FHOD3: variants seen among roughly 807,000 people sequenced by gnomAD.
FHOD3 encodes formin homology 2 domain containing 3, also known as FH1/FH2 domain-containing protein 3.
In FHOD3, 90 loss-of-function variants were observed where a neutral mutation model predicts 173.0. The observed-to-expected ratio is 0.52, with a 90% CI of 0.44 to 0.62. FHOD3 has a LOEUF of 0.62. Ranked by LOEUF, FHOD3 falls within the 20% of genes least tolerant of loss-of-function variation. FHOD3 has a pLI of 0.00. For missense variants in FHOD3, 1,945 were observed against 2,034.7 expected (o/e 0.96, Z 0.85); for synonymous variants, 828 against 823.0 (o/e 1.01, Z -0.10).
chr18:36,552,141 C>T (rs960860083), intron 5 of FHOD3, among the ~76,000 whole-genome samples: 1 of 152,252 alleles, frequency 6.6e-6, no homozygotes, highest in East Asian at 1.9e-4. Context: ...ATGGAATGTT[C>T]TTCCATTTGT....
chr18:36,513,000 C>T (rs1300723591), intron 5 of FHOD3, among the ~76,000 whole-genome samples: 1 of 152,126 alleles, frequency 6.6e-6, no homozygotes, highest in Non-Finnish European at 1.5e-5. Context: ...CTTCCTGTTT[C>T]TGATTCGATA....
intron 5 of FHOD3, among the ~76,000 whole-genome samples, chr18:36,541,962 G>C (rs992485775): frequency 2.1e-4 from 32 of 152,182 alleles, no homozygotes; most frequent in African/African-American, 7.2e-4. Context: ...CCCAGGGAGA[G>C]GTAGATTTGT....
chr18:36,521,472 C>T (rs115115009), intron 5 of FHOD3, among the ~76,000 whole-genome samples: 1 of 152,292 alleles, frequency 6.6e-6, no homozygotes, highest in South Asian at 2.1e-4. Flanking sequence ...ACATTCAATT[C>T]AGCCACCCTA....
chr18:36,409,944 G>GCGTTGC (rs2049267983), intron 3 of FHOD3, among the ~76,000 whole-genome samples: 1 of 152,210 alleles, frequency 6.6e-6, no homozygotes, highest in African/African-American at 2.4e-5. Flanking sequence ...AGAAGACAGG[G>GCGTTGC]CGTTGCCCGG....
At chr18:36,386,573 G>A (rs1455777673) in intron 3 of FHOD3, among the ~76,000 whole-genome samples, 1 of 152,228 alleles carries the variant, frequency 6.6e-6, no homozygotes, top group East Asian at 1.9e-4. Context: ...GCTTGTCTTG[G>A]AAGACAGTGG....
chr18:36,437,725 A>G (rs1051420572), intron 3 of FHOD3, among the ~76,000 whole-genome samples: 10 of 143,634 alleles, frequency 7.0e-5, no homozygotes, highest in Non-Finnish European at 1.3e-4. Context: ...GTGCAGTGGC[A>G]CGATGTCGGC....
At chr18:36,318,785 A>G (rs1304808595) in intron 1 of FHOD3, among the ~76,000 whole-genome samples, 2 of 152,192 alleles carry the variant, frequency 1.3e-5, no homozygotes, top group Non-Finnish European at 2.9e-5. Flanking sequence ...GAGAGAGGGC[A>G]TCCTTGTCTT....
chr18:36,605,647 A>C (rs1370861450), intron 8 of FHOD3, among the ~76,000 whole-genome samples: 1 of 152,092 alleles, frequency 6.6e-6, no homozygotes, highest in Non-Finnish European at 1.5e-5. Context: ...CACACACAAA[A>C]AAAAAAATTT....
intron 20 of FHOD3, among the ~76,000 whole-genome samples, chr18:36,732,222 G>A (rs1178331158): frequency 2.6e-5 from 4 of 152,172 alleles, no homozygotes; most frequent in Non-Finnish European, 5.9e-5. Context: ...CATCCCCTGG[G>A]GCCTTCAGAG....
chr18:36,360,951 A>C (rs2046577996), intron 2 of FHOD3, among the ~76,000 whole-genome samples: 1 of 152,256 alleles, frequency 6.6e-6, no homozygotes, highest in South Asian at 2.1e-4. Flanking sequence ...ACATAAGTCT[A>C]AAAATCTACT....
At chr18:36,643,515 T>G (rs2035477942) in intron 10 of FHOD3, among the ~76,000 whole-genome samples, 1 of 152,202 alleles carries the variant, frequency 6.6e-6, no homozygotes, top group Admixed American at 6.5e-5. Context: ...ATATTAATGT[T>G]TAATTTTACA....
At chr18:36,353,860 C>G (rs1434045694) in intron 1 of FHOD3, among the ~76,000 whole-genome samples, 1 of 152,196 alleles carries the variant, frequency 6.6e-6, no homozygotes, top group Admixed American at 6.5e-5. Flanking sequence ...GCAAAGTGCT[C>G]TCTTCCATGC....
At position 36,537,545 on chromosome 18, in the gene FHOD3, T is replaced by C. The variant is rs141062899; in HGVS notation, c.511+25002T>C. ...TGGGTGGGTGTCAGAGAAAGCCAAG[T>C]AGGCACTGAGGGCCTTCACATCTGC... On this transcript the variant is annotated intron_variant, in intron 5 of 28. Coordinates refer to ENST00000590592, the MANE Select transcript of FHOD3 (RefSeq NM_001281740.3). Among the ~76,000 whole-genome samples the C allele has an allele frequency of 9.0e-4, 137 of 152,210 alleles. 1 individual carries two copies. The highest frequency in any genetic ancestry group is 3.2e-3 in the African/African-American group (133 of 41,536).
At chr18:36,727,535 T>C (rs1427830335) in intron 19 of FHOD3, among the ~76,000 whole-genome samples, 1 of 152,356 alleles carries the variant, frequency 6.6e-6, no homozygotes, top group East Asian at 1.9e-4. Context: ...TTAATGCTTA[T>C]TCTTTCCTTC....
Position 36,551,737 on chromosome 18 carries a change from C to T in FHOD3, c.512-24714C>T, listed in dbSNP as rs533967279. 2.8e-3 allele frequency among the ~76,000 whole-genome samples: 421 copies of T among 152,216 alleles called. 1 individual carries two copies. The highest frequency in any genetic ancestry group is 4.7e-3 in the Non-Finnish European group (323 of 68,012). On this transcript the variant is annotated intron_variant, in intron 5 of 28. Transcript: ENST00000590592. ...TATGGCTAGCCAGTTTTCCCAGCAC[C>T]ATTTATTAAATAGGGAATCCTTTCC...
chr18:36,357,520 A>C (rs2046417190), intron 2 of FHOD3, among the ~76,000 whole-genome samples: 1 of 152,184 alleles, frequency 6.6e-6, no homozygotes, highest in Non-Finnish European at 1.5e-5. Context: ...AGTGGTAGTA[A>C]GGGCACACCA....
In FHOD3 at chr18:36,718,087, G is replaced by A. The variant is rs752449314; in HGVS notation, c.2789G>A (p.Cys930Tyr). The change falls in exon 19 of 29, where the codon TGT becomes TAT. Residue 930 changes from cysteine (C) to tyrosine (Y), a missense_variant. Cys to Tyr is a radical substitution (Grantham distance 194, BLOSUM62 -2). This residue lies in a region of FHOD3 where 1,099 missense variants were observed against 1,051.2 expected (regional missense o/e 1.05). Transcript: ENST00000590592. ...AGTGTCAGGAGGGTGGATGTCGGCT[G>A]TTTGGACAATCGGGGCAGTGTGAAA... ...DESVRRVDVG[C>Y]LDNRGSVKAF... is the part of the protein sequence containing the mutation. 3 of 1,599,376 alleles carry A rather than the reference G, an allele frequency of 1.9e-6. No homozygotes were observed. Among genetic ancestry groups the A allele is most frequent in the East Asian group, 2.2e-5 (1 of 44,736 alleles).
chr18:36,515,605 C>T (rs2055926862), intron 5 of FHOD3, among the ~76,000 whole-genome samples: 1 of 152,180 alleles, frequency 6.6e-6, no homozygotes, highest in Non-Finnish European at 1.5e-5. Flanking sequence ...CACTCATGAC[C>T]AGGGGAGAGC....
chr18:36,715,215 T>C (rs1296697495), intron 18 of FHOD3, among the ~76,000 whole-genome samples: 1 of 152,216 alleles, frequency 6.6e-6, no homozygotes, highest in Admixed American at 6.5e-5. Context: ...GTGAAAATAA[T>C]TGAATCATGG....
Sources: gnomAD v4.1 joint callset for allele counts (sites outside exome capture counted in the v4.1 genomes callset) on GRCh38, gnomAD v4.1.1 for gene constraint, gnomAD v4.1.1 regional missense constraint, MANE v1.5 for transcripts, NCBI Gene and HGNC (gene_info 2026-07-23, HGNC 2026-07-21) for gene names.